The following ASCC1 variants were observed in gnomAD, a reference collection of about 807,000 sequenced individuals.
The protein encoded by ASCC1 is activating signal cointegrator 1 complex subunit 1.
ASCC1 carries 35 observed loss-of-function variants against 46.6 expected under a neutral mutation model. That is an observed-to-expected ratio of 0.75 (90% CI 0.57 to 0.99). ASCC1 has a LOEUF of 0.99. Among genes scored for constraint, ASCC1 ranks in the 50% least tolerant of loss-of-function variants. The pLI, the probability that ASCC1 is intolerant of heterozygous loss-of-function variation, is 0.00. For missense variants in ASCC1, 376 were observed against 428.7 expected (o/e 0.88, Z 1.09); for synonymous variants, 143 against 146.6 (o/e 0.98, Z 0.18).
chr10:72,113,089 C>G (rs1054291487), intron 9 of ASCC1, among the ~76,000 whole-genome samples: 1 of 152,106 alleles, frequency 6.6e-6, no homozygotes, highest in Non-Finnish European at 1.5e-5. Flanking sequence ...AATATTTATT[C>G]CCCCTCCCTC....
intron 5 of ASCC1, among the ~76,000 whole-genome samples, chr10:72,192,258 G>A (rs1452259414): frequency 2.0e-5 from 3 of 151,728 alleles, no homozygotes; most frequent in South Asian, 2.1e-4. Flanking sequence ...GTTCAAGACC[G>A]GCCTGGCCAA....
chr10:72,213,816 G>T (rs1858567021), intron 1 of ASCC1, among the ~76,000 whole-genome samples: 2 of 151,898 alleles, frequency 1.3e-5, no homozygotes. Flanking sequence ...GAGGCAGGCA[G>T]ATCACAAGGT....
At chr10:72,172,849 A>AATATTTTTATATTATATATATTATATATT (rs1447004434) in intron 5 of ASCC1, among the ~76,000 whole-genome samples, 31 of 127,902 alleles carry the variant, frequency 2.4e-4, no homozygotes, top group African/African-American at 6.7e-4. Context: ...TATTATATAT[A>AATATTTTTATATTATATATATTATATATT]ATATTTTTAT....
At chr10:72,153,097 T>G in intron 6 of ASCC1, 109 bp from the exon 7 acceptor site, 1 of 1,409,278 alleles carries the variant, frequency 7.1e-7, no homozygotes, top group Non-Finnish European at 9.8e-7. Context: ...TACTTACATG[T>G]GTACAAAAAC....
intron 5 of ASCC1, among the ~76,000 whole-genome samples, chr10:72,162,918 G>A (rs1849876886): frequency 6.7e-6 from 1 of 148,902 alleles, no homozygotes. Flanking sequence ...ACTCCAGCCT[G>A]GGTGACAAAG....
At chr10:72,170,355 C>T (rs987420143) in intron 5 of ASCC1, among the ~76,000 whole-genome samples, 28 of 152,062 alleles carry the variant, frequency 1.8e-4, no homozygotes, top group African/African-American at 6.5e-4. Context: ...CACATTATCA[C>T]CTATGCAATG....
chr10:72,172,115 A>G (rs1359543854), intron 5 of ASCC1, among the ~76,000 whole-genome samples: 1 of 152,070 alleles, frequency 6.6e-6, no homozygotes, highest in East Asian at 1.9e-4. Context: ...AAGTTTTTTT[A>G]GAAAAACTCT....
intron 9 of ASCC1, among the ~76,000 whole-genome samples, chr10:72,123,092 C>T (rs1229214584): frequency 1.3e-5 from 2 of 152,110 alleles, no homozygotes; most frequent in African/African-American, 4.8e-5. Flanking sequence ...AATCCCAGCA[C>T]TTTGGGAGGC....
chr10:72,108,249 G>C (rs1229265379), intron 9 of ASCC1, among the ~76,000 whole-genome samples: 1 of 151,234 alleles, frequency 6.6e-6, no homozygotes, highest in Non-Finnish European at 1.5e-5. Flanking sequence ...GCTAATTTTT[G>C]CATTTTTTAT....
At chr10:72,178,781 TCA>T in intron 5 of ASCC1, among the ~76,000 whole-genome samples, 1 of 152,074 alleles carries the variant, frequency 6.6e-6, no homozygotes, top group Non-Finnish European at 1.5e-5. Context: ...AATAGAAAAC[TCA>T]TAAGGTAGGG....
At chr10:72,127,978 AAAGTATGAAG>A (rs1372770833) in intron 9 of ASCC1, 94 bp downstream of exon 9, 7 of 953,840 alleles carry the variant, frequency 7.3e-6, no homozygotes, top group East Asian at 2.5e-5. Flanking sequence ...AGTATGAGAA[AAAGTATGAAG>A]AAGTATGAAG....
At chr10:72,102,207 T>C (rs1841848737) in intron 9 of ASCC1, 1 of 756,968 alleles carries the variant, frequency 1.3e-6, no homozygotes, top group Non-Finnish European at 2.2e-6. Context: ...GAAAAATCAG[T>C]GATGATGGGT....
intron 8 of ASCC1, among the ~76,000 whole-genome samples, chr10:72,132,287 AT>A (rs1845703216): frequency 6.6e-6 from 1 of 152,166 alleles, no homozygotes; most frequent in Admixed American, 6.5e-5. Context: ...AGAGCTGCAT[AT>A]GGCTTGAATG....
chr10:72,107,474 G>A (rs1454475782), intron 9 of ASCC1, among the ~76,000 whole-genome samples: 4 of 152,114 alleles, frequency 2.6e-5, no homozygotes, highest in Non-Finnish European at 4.4e-5. Context: ...AGGCAAGAAG[G>A]AAATGGAGAT....
chr10:72,108,072 TTTTC>T (rs1430599972), intron 9 of ASCC1, among the ~76,000 whole-genome samples: 2 of 150,952 alleles, frequency 1.3e-5, no homozygotes, highest in East Asian at 3.9e-4. Context: ...TTCTTTTTCT[TTTTC>T]TTTTTTTTTT....
In ASCC1 at chr10:72,166,501, C is replaced by CAA. The variant is rs769084089; in HGVS notation, c.490-4829_490-4828dup. ...AACATAATTGAGTTTTTTTTCTCTACAAAAAAAAAACAAAACCCACAATAT... is the reference window on the plus strand; with the variant it reads ...AACATAATTGAGTTTTTTTTCTCTACAAAAAAAAAAAACAAAACCCACAATAT... On this transcript the variant is annotated intron_variant, in intron 5 of 9. Coordinates refer to ENST00000672957, the MANE Select transcript of ASCC1 (RefSeq NM_001198800.3). Among the ~76,000 whole-genome samples, 591 of 113,452 alleles carry CAA rather than the reference C, an allele frequency of 5.2e-3. 2 individuals carry two copies. The highest frequency in any genetic ancestry group is 8.3e-3 in the Middle Eastern group (2 of 240). 74.4% of individuals were successfully genotyped at this position (113,452 alleles called of 152,430 possible).
At chr10:72,107,501 C>CA (rs955332853) in intron 9 of ASCC1, among the ~76,000 whole-genome samples, 31 of 151,682 alleles carry the variant, frequency 2.0e-4, no homozygotes, top group African/African-American at 6.3e-4. Flanking sequence ...CATCCGGGGT[C>CA]AAAAAAAACC....
chr10:72,113,803 C>T (rs1843182986), intron 9 of ASCC1, among the ~76,000 whole-genome samples: 2 of 152,240 alleles, frequency 1.3e-5, no homozygotes, highest in Admixed American at 6.5e-5. Context: ...ATATGAAAAG[C>T]CCCTAATAAT....
chr10:72,120,365 C>A (rs535717011), intron 9 of ASCC1, among the ~76,000 whole-genome samples: 1 of 151,880 alleles, frequency 6.6e-6, no homozygotes. Context: ...CAGAAACTTC[C>A]CAAACTGAAA....
Sources: allele counts gnomAD v4.1 joint callset (sites outside exome capture counted in the v4.1 genomes callset), GRCh38; gene constraint gnomAD v4.1.1; transcripts MANE v1.5; gene names NCBI Gene and HGNC (gene_info 2026-07-23, HGNC 2026-07-21).